The following SLC2A9 variants were observed in gnomAD, a reference collection of about 807,000 sequenced individuals.
SLC2A9 encodes the protein solute carrier family 2, facilitated glucose transporter member 9.
In SLC2A9, 39 loss-of-function variants were observed where a neutral mutation model predicts 50.6. The ratio of observed to expected loss-of-function variants is 0.77; its 90% CI spans 0.60 to 1.01. The LOEUF (loss-of-function observed/expected upper bound fraction) is 1.01. Among genes scored for constraint, SLC2A9 ranks in the 50% least tolerant of loss-of-function variants. The probability of loss-of-function intolerance (pLI) is 0.00; values close to 1 mark genes in which losing one functional copy is unlikely to be tolerated. For missense variants in SLC2A9, 686 were observed against 677.6 expected (o/e 1.01, Z -0.14); for synonymous variants, 324 against 276.9 (o/e 1.17, Z -1.69).
intron 6 of SLC2A9, among the ~76,000 whole-genome samples, chr4:9,925,232 G>A (rs1249077695): frequency 2.6e-5 from 4 of 152,156 alleles, no homozygotes; most frequent in African/African-American, 4.8e-5. Flanking sequence ...ATCCTTTTCC[G>A]AGGATCCCCT....
intron 8 of SLC2A9, among the ~76,000 whole-genome samples, chr4:9,890,994 C>A (rs1048264212): frequency 3.3e-5 from 5 of 152,218 alleles, no homozygotes; most frequent in Non-Finnish European, 5.9e-5. Flanking sequence ...AACAGGGAGT[C>A]TGGGAGAAGG....
chr4:9,986,469 A>T (rs1756732984), intron 3 of SLC2A9, among the ~76,000 whole-genome samples: 1 of 152,194 alleles, frequency 6.6e-6, no homozygotes, highest in South Asian at 2.1e-4. Context: ...TTGGCAAAGG[A>T]CAAATGGGGG....
At chr4:9,862,785 C>T (rs1186173457) in intron 10 of SLC2A9, among the ~76,000 whole-genome samples, 1 of 152,016 alleles carries the variant, frequency 6.6e-6, no homozygotes, top group Non-Finnish European at 1.5e-5. Flanking sequence ...TTATTCCTTC[C>T]TAGCACTGGT....
intron 6 of SLC2A9, among the ~76,000 whole-genome samples, chr4:9,926,934 C>A (rs1275621160): frequency 1.3e-5 from 2 of 152,036 alleles, no homozygotes; most frequent in Non-Finnish European, 2.9e-5. Flanking sequence ...CTGCTGGTCC[C>A]CGTCGGAAGC....
chr4:9,799,701 C>CCCCAA (rs1553813271), intron 3 of SLC2A9, among the ~76,000 whole-genome samples: 1 of 33,672 alleles, frequency 3.0e-5, no homozygotes, highest in Non-Finnish European at 1.2e-4. Context: ...TACCCCCCCC[C>CCCCAA]CACCCAACTT....
chr4:9,912,827 G>C (rs935103043), intron 7 of SLC2A9, among the ~76,000 whole-genome samples: 2 of 152,182 alleles, frequency 1.3e-5, no homozygotes, highest in African/African-American at 4.8e-5. Context: ...GTTAAGTTCA[G>C]AATCTTGACA....
At chr4:9,936,276 A>G (rs1465188037) in intron 6 of SLC2A9, among the ~76,000 whole-genome samples, 2 of 152,194 alleles carry the variant, frequency 1.3e-5, no homozygotes, top group African/African-American at 4.8e-5. Flanking sequence ...CCATGATCTG[A>G]TATGATCATT....
At chr4:9,838,231 AATG>A (rs1057447457) in intron 10 of SLC2A9, among the ~76,000 whole-genome samples, 4 of 152,116 alleles carry the variant, frequency 2.6e-5, no homozygotes, top group African/African-American at 7.2e-5. Flanking sequence ...TGATGATGGT[AATG>A]ATGATGACGA....
chr4:9,813,744 C>G (rs1249530913), intron 3 of SLC2A9, among the ~76,000 whole-genome samples: 1 of 152,128 alleles, frequency 6.6e-6, no homozygotes, highest in South Asian at 2.1e-4. Context: ...AAGAATCTAG[C>G]ACAGACTGGG....
chr4:9,773,942 T>G (rs1266136639), intron 1 of SLC2A9, among the ~76,000 whole-genome samples: 4 of 152,036 alleles, frequency 2.6e-5, no homozygotes, highest in Admixed American at 2.6e-4. Flanking sequence ...CATAAGGTCT[T>G]ATTGATACAC....
At chr4:10,032,367 G>A (rs868328608) in intron 1 of SLC2A9, among the ~76,000 whole-genome samples, 11 of 152,144 alleles carry the variant, frequency 7.2e-5, no homozygotes, top group African/African-American at 2.2e-4. Context: ...GAGGGTTTCA[G>A]GGACTGGTGT....
chr4:9,875,952 G>C (rs948799443), intron 10 of SLC2A9, among the ~76,000 whole-genome samples: 1 of 152,204 alleles, frequency 6.6e-6, no homozygotes, highest in African/African-American at 2.4e-5. Flanking sequence ...ATAGGCAAGA[G>C]CACATCACAT....
intron 5 of SLC2A9, among the ~76,000 whole-genome samples, chr4:9,959,986 C>T (rs1445537464): frequency 2.0e-5 from 3 of 152,260 alleles, no homozygotes; most frequent in Non-Finnish European, 2.9e-5. Flanking sequence ...TTCAACACCA[C>T]GCCCTTCTGG....
At chr4:10,008,991 CGG>C (rs67295136) in intron 2 of SLC2A9, among the ~76,000 whole-genome samples, 1 of 148,894 alleles carries the variant, frequency 6.7e-6, no homozygotes, top group Non-Finnish European at 1.5e-5. Flanking sequence ...CTGAAAAGAG[CGG>C]GGGGTGAGGG....
At chr4:9,840,649 G>A (rs1727898324) in intron 10 of SLC2A9, among the ~76,000 whole-genome samples, 1 of 152,114 alleles carries the variant, frequency 6.6e-6, no homozygotes. Flanking sequence ...GGGGCTACTT[G>A]GGATATTTGT....
intron 6 of SLC2A9, among the ~76,000 whole-genome samples, chr4:9,927,875 T>G (rs1745194466): frequency 6.6e-6 from 1 of 152,196 alleles, no homozygotes; most frequent in Admixed American, 6.5e-5. Context: ...GAATGACATA[T>G]TGCTGTTTAC....
At position 9,955,867 on chromosome 4, in the gene SLC2A9, A is replaced by ATTTTTTT. The variant is rs1170286158; in HGVS notation, c.682-13829_682-13823dup. Among the ~76,000 whole-genome samples the ATTTTTTT allele has an allele frequency of 2.6e-4, 16 of 61,692 alleles. 1 individual carries two copies. The highest frequency in any genetic ancestry group is 9.7e-4 in the African/African-American group (14 of 14,400). The allele number at this position is 61,692 out of a possible 152,430, so 40.5% of individuals were successfully genotyped here. A position where few individuals can be genotyped will look rare whatever the true frequency, so the allele number is the denominator to read the frequency against. ...TCTGAGGTAGGGCTCAAGCATCTGGATTTTTTTTTTTTTTTTTTTTTTTTT... is the reference window on the plus strand; with the variant it reads ...TCTGAGGTAGGGCTCAAGCATCTGGATTTTTTTTTTTTTTTTTTTTTTTTTTTTTTTT... On this transcript the variant is annotated intron_variant, in intron 5 of 11. Transcript: ENST00000264784.
chr4:9,897,322 A>G (rs1270217041), intron 8 of SLC2A9, among the ~76,000 whole-genome samples: 2 of 152,220 alleles, frequency 1.3e-5, no homozygotes. Context: ...TGGGGCACAG[A>G]GAAGACAGAG....
At chr4:9,905,336 A>T (rs1035110675) in intron 8 of SLC2A9, among the ~76,000 whole-genome samples, 1 of 152,230 alleles carries the variant, frequency 6.6e-6, no homozygotes, top group South Asian at 2.1e-4. Context: ...GGCAGGCACC[A>T]TGGCAAAGGC....
Sources: gnomAD v4.1 joint callset for allele counts (sites outside exome capture counted in the v4.1 genomes callset) on GRCh38, gnomAD v4.1.1 for gene constraint, MANE v1.5 for transcripts, NCBI Gene and HGNC (gene_info 2026-07-23, HGNC 2026-07-21) for gene names.